The following ZDHHC21 variants were observed in gnomAD, a reference collection of about 807,000 sequenced individuals.
The protein encoded by ZDHHC21 is zDHHC palmitoyltransferase 21.
Under a neutral mutation model 34.6 loss-of-function variants are expected in ZDHHC21, and 15 were observed. The ratio of observed to expected loss-of-function variants is 0.43; its 90% CI spans 0.29 to 0.67. The LOEUF (loss-of-function observed/expected upper bound fraction) is 0.67. Ranked by LOEUF, ZDHHC21 falls within the 30% of genes least tolerant of loss-of-function variation. The pLI, the probability that ZDHHC21 is intolerant of heterozygous loss-of-function variation, is 0.14. For missense variants in ZDHHC21, 344 were observed against 327.7 expected (o/e 1.05, Z -0.38); for synonymous variants, 142 against 101.8 (o/e 1.40, Z -2.38).
In ZDHHC21 at chr9:14,618,896, G is replaced by C. The variant is rs1158538530; in HGVS notation, c.*70C>G. On this transcript the variant is annotated 3_prime_UTR_variant, in exon 10 of 10. Coordinates refer to ENST00000380916, the MANE Select transcript of ZDHHC21 (RefSeq NM_178566.6). ...TTTAATTGACTTGAAGACTGTCATA[G>C]TTCTATTATCATAAAACCTGTAACG... The C allele has an allele frequency of 4.7e-6, 7 of 1,473,960 alleles. No homozygotes were observed. Among genetic ancestry groups the C allele is most frequent in the Non-Finnish European group, 6.3e-6 (7 of 1,105,644 alleles). The allele number at this position is 1,473,960 out of a possible 1,614,324, so 91.3% of individuals were successfully genotyped here. A position where few individuals can be genotyped will look rare whatever the true frequency, so the allele number is the denominator to read the frequency against.
chr9:14,622,946 T>G (rs959069136), intron 8 of ZDHHC21, among the ~76,000 whole-genome samples: 3 of 152,110 alleles, frequency 2.0e-5, no homozygotes, highest in Admixed American at 6.6e-5. Context: ...CTTCCAAGTC[T>G]GCTACACGTA....
chr9:14,673,654 A>G (rs1052823399), intron 4 of ZDHHC21, among the ~76,000 whole-genome samples: 3 of 152,036 alleles, frequency 2.0e-5, no homozygotes, highest in Non-Finnish European at 4.4e-5. Flanking sequence ...TGTGAGGTCA[A>G]AATGAGGTAA....
At chr9:14,663,554 CTTT>C (rs1471860629) in intron 5 of ZDHHC21, among the ~76,000 whole-genome samples, 1 of 44,676 alleles carries the variant, frequency 2.2e-5, no homozygotes, top group East Asian at 5.2e-4. Flanking sequence ...TTTTTTTCTT[CTTT>C]TTTAAGATTC....
At chr9:14,598,228 AC>A in the ZDHHC21 span, among the ~76,000 whole-genome samples, 4 of 152,052 alleles carry the variant, frequency 2.6e-5, no homozygotes, top group Admixed American at 2.6e-4. Flanking sequence ...AACTGCCTCT[AC>A]CACTGGTGAC....
the ZDHHC21 span, among the ~76,000 whole-genome samples, chr9:14,592,849 T>C: frequency 1.3e-5 from 2 of 152,106 alleles, no homozygotes; most frequent in African/African-American, 2.4e-5. Context: ...AAATTAGAAA[T>C]CAACAGCAGA....
chr9:14,688,395 A>G (rs1005279491), intron 2 of ZDHHC21, among the ~76,000 whole-genome samples: 2 of 150,900 alleles, frequency 1.3e-5, no homozygotes, highest in South Asian at 2.1e-4. Context: ...GAATGAAACA[A>G]CGTTTCTAGG....
At chr9:14,656,734 G>C (rs1338771686) in intron 7 of ZDHHC21, among the ~76,000 whole-genome samples, 1 of 151,868 alleles carries the variant, frequency 6.6e-6, no homozygotes, top group African/African-American at 2.4e-5. Context: ...CATTCCTAAA[G>C]TAGCTTTCTA....
chr9:14,674,320 A>G lies in ZDHHC21; in HGVS notation c.21T>C (p.Phe7=). 1.9e-6 allele frequency: 3 copies of G among 1,595,660 alleles called. No individual in the cohort carries two copies. Among genetic ancestry groups the G allele is most frequent in the Non-Finnish European group, 1.7e-6 (2 of 1,172,934 alleles). ...AGCACCAACCATGTGGGTCAACAACAAAGTGAATCCGGAGACCCATTTTGC... is the reference window on the plus strand; with the variant it reads ...AGCACCAACCATGTGGGTCAACAACGAAGTGAATCCGGAGACCCATTTTGC... MGLRIH[F]VVDPHGWCCM... The change falls in exon 4 of 10, where the codon TTT becomes TTC. Residue 7 remains phenylalanine, a synonymous_variant. Transcript: ENST00000380916.
chr9:14,658,570 C>T (rs1348457397), intron 7 of ZDHHC21, among the ~76,000 whole-genome samples, 179 bp downstream of exon 7: 2 of 124,428 alleles, frequency 1.6e-5, no homozygotes, highest in African/African-American at 6.0e-5. Flanking sequence ...CCCTGGGGTT[C>T]ACGCCATTCT....
chr9:14,643,538 C>A (rs1044043994), intron 7 of ZDHHC21, among the ~76,000 whole-genome samples: 1 of 152,148 alleles, frequency 6.6e-6, no homozygotes. Flanking sequence ...TCCAATGTAT[C>A]AATCTTTTCC....
downstream of ZDHHC21, among the ~76,000 whole-genome samples, chr9:14,607,445 T>A (rs552484035): frequency 2.0e-5 from 3 of 152,248 alleles, no homozygotes; most frequent in East Asian, 5.8e-4. Flanking sequence ...TAATCATATA[T>A]CATTATATGA....
chr9:14,653,489 T>A (rs1042255164), intron 7 of ZDHHC21, among the ~76,000 whole-genome samples: 4 of 152,032 alleles, frequency 2.6e-5, no homozygotes, highest in African/African-American at 4.8e-5. Flanking sequence ...AAGTTTGTTA[T>A]ACTGCTGGAA....
At chr9:14,688,830 C>T (rs569993550) in intron 2 of ZDHHC21, among the ~76,000 whole-genome samples, 1 of 151,244 alleles carries the variant, frequency 6.6e-6, no homozygotes, top group African/African-American at 2.4e-5. Context: ...CCACTGCACT[C>T]CAGCCTGGGT....
chr9:14,687,379 A>G (rs1446104573), intron 2 of ZDHHC21, among the ~76,000 whole-genome samples: 1 of 150,732 alleles, frequency 6.6e-6, no homozygotes, highest in Non-Finnish European at 1.5e-5. Context: ...TGGTAATAAA[A>G]GTAATGCTGG....
At chr9:14,623,106 T>C (rs1298537984) in intron 8 of ZDHHC21, among the ~76,000 whole-genome samples, 2 of 151,576 alleles carry the variant, frequency 1.3e-5, no homozygotes, top group Non-Finnish European at 2.9e-5. Context: ...CTTTAGGACA[T>C]TGCCTGGATA....
chr9:14,617,784 T>G lies in ZDHHC21; in HGVS notation c.*1182A>C, dbSNP rs1427644503. On this transcript the variant is annotated 3_prime_UTR_variant, in exon 10 of 10. Transcript: ENST00000380916. Reference sequence around the variant, plus strand: ...AACACAGATCATTATATTTTCTTATTTTAGGTTCACTTCCTAACACTAGCT... The same window carrying G: ...AACACAGATCATTATATTTTCTTATGTTAGGTTCACTTCCTAACACTAGCT... 1 of 152,002 alleles carries G rather than the reference T, an allele frequency of 6.6e-6. No homozygotes were observed. The highest frequency in any genetic ancestry group is 1.9e-4 in the East Asian group (1 of 5,176). The allele number at this position is 152,002 out of a possible 1,614,324, so 9.4% of individuals were successfully genotyped here. A position where few individuals can be genotyped will look rare whatever the true frequency, so the allele number is the denominator to read the frequency against.
intron 8 of ZDHHC21, among the ~76,000 whole-genome samples, chr9:14,623,957 G>C (rs1278687013): frequency 6.6e-6 from 1 of 152,000 alleles, no homozygotes; most frequent in African/African-American, 2.4e-5. Context: ...ACAGTATGGA[G>C]GCACCTCAAA....
In ZDHHC21 at chr9:14,632,570, T is replaced by C. The variant is rs1827563348; in HGVS notation, c.621+7326A>G. ...TATCTTAGATATGACACAAAAAGCA[T>C]ATACTACCCAAGAAAAAAATAAATT... On this transcript the variant is annotated intron_variant, in intron 8 of 9. Coordinates refer to ENST00000380916, the MANE Select transcript of ZDHHC21 (RefSeq NM_178566.6). Among the ~76,000 whole-genome samples the C allele has an allele frequency of 2.1e-4, 2 of 9,384 alleles. 1 individual carries two copies. Among genetic ancestry groups the C allele is most frequent in the Admixed American group, 2.4e-3 (2 of 820 alleles). 6.2% of individuals were successfully genotyped at this position (9,384 alleles called of 152,430 possible).
At chr9:14,599,590 G>A in the ZDHHC21 span, among the ~76,000 whole-genome samples, 2 of 151,650 alleles carry the variant, frequency 1.3e-5, no homozygotes, top group Non-Finnish European at 2.9e-5. Flanking sequence ...CGCCTGGAAT[G>A]TCAGCAAGAC....
Sources: gnomAD v4.1 joint callset for allele counts (sites outside exome capture counted in the v4.1 genomes callset) on GRCh38, gnomAD v4.1.1 for gene constraint, MANE v1.5 for transcripts, NCBI Gene and HGNC (gene_info 2026-07-23, HGNC 2026-07-21) for gene names.